Variants in GRID2 observed in about 807,000 individuals in gnomAD.
GRID2 encodes glutamate receptor ionotropic, delta-2.
Under a neutral mutation model 114.8 loss-of-function variants are expected in GRID2, and 33 were observed. That is an observed-to-expected ratio of 0.29 (90% CI 0.22 to 0.38). The LOEUF is 0.38. GRID2 is among the 10% of genes least tolerant of loss of function. The pLI is 1.00. For missense variants in GRID2, 1,184 were observed against 1,257.7 expected, an observed-to-expected ratio of 0.94 and a Z score of 0.89; for synonymous variants, 505 against 449.9, an observed-to-expected ratio of 1.12 and a Z score of -1.55.
At chr4:93,510,188 G>A (rs943141318) in intron 12 of GRID2, among the ~76,000 whole-genome samples, 21 of 152,090 alleles carry the variant, frequency 1.4e-4, no homozygotes, top group Admixed American at 1.3e-4. Flanking sequence ...GATAACTTAA[G>A]TTGACTTGTT....
At chr4:93,481,148 T>G (rs1725824561) in intron 11 of GRID2, among the ~76,000 whole-genome samples, 1 of 152,024 alleles carries the variant, frequency 6.6e-6, no homozygotes, top group African/African-American at 2.4e-5. Flanking sequence ...TTTGACTCAA[T>G]TATTTTGGGA....
chr4:92,641,394 C>G (rs1731340577), intron 2 of GRID2, among the ~76,000 whole-genome samples: 1 of 151,514 alleles, frequency 6.6e-6, no homozygotes, highest in African/African-American at 2.4e-5. Flanking sequence ...AAGCAATCCT[C>G]TGTGTCTCTG....
chr4:93,129,078 A>G (rs1300707859), intron 4 of GRID2, among the ~76,000 whole-genome samples: 5 of 152,186 alleles, frequency 3.3e-5, no homozygotes, highest in Non-Finnish European at 7.3e-5. Flanking sequence ...ATATTTTTAA[A>G]AAACTATCTA....
rs970674287 is a variant in GRID2 at position 92,940,154 on chromosome 4, A to G, written c.245-144841A>G. 1.4e-5 allele frequency among the ~76,000 whole-genome samples: 2 copies of G among 145,800 alleles called. 1 individual carries two copies. Among genetic ancestry groups the G allele is most frequent in the Non-Finnish European group, 3.0e-5 (2 of 65,774 alleles). On this transcript the variant is annotated intron_variant, in intron 2 of 15. Coordinates refer to ENST00000282020, the MANE Select transcript of GRID2 (RefSeq NM_001510.4). ...GGCATTGAAACTATAAATTACCTTG[A>G]GCAGTTTGGCCATTTTCACAATATT...
At chr4:92,385,981 GC>G (rs1159686688) in intron 1 of GRID2, among the ~76,000 whole-genome samples, 1 of 149,314 alleles carries the variant, frequency 6.7e-6, no homozygotes, top group Non-Finnish European at 1.5e-5. Flanking sequence ...AAAAAAATAT[GC>G]CCTTTGTGAA....
At chr4:93,690,317 G>C (rs188462796) in intron 14 of GRID2, among the ~76,000 whole-genome samples, 1 of 152,080 alleles carries the variant, frequency 6.6e-6, no homozygotes, top group Admixed American at 6.6e-5. Context: ...GGAGGAAGGG[G>C]CTTCTGAGAA....
chr4:92,850,204 T>C (rs112881970), intron 2 of GRID2, among the ~76,000 whole-genome samples: 8 of 151,312 alleles, frequency 5.3e-5, no homozygotes, highest in African/African-American at 1.9e-4. Flanking sequence ...AAATACAATA[T>C]ATAATTATAA....
At chr4:93,393,496 T>C (rs1221752818) in intron 8 of GRID2, among the ~76,000 whole-genome samples, 1 of 151,996 alleles carries the variant, frequency 6.6e-6, no homozygotes, top group African/African-American at 2.4e-5. Context: ...ATGAATAATA[T>C]TTAAGTCATT....
chr4:93,663,306 G>A (rs1723662355), intron 14 of GRID2, among the ~76,000 whole-genome samples: 1 of 152,082 alleles, frequency 6.6e-6, no homozygotes, highest in Non-Finnish European at 1.5e-5. Context: ...GAGGTATTTT[G>A]AGTGCTCATG....
chr4:93,809,421 AT>A (rs1474449989), exon 2 of GRID2: 25 of 152,338 alleles, frequency 1.6e-4, no homozygotes, highest in African/African-American at 5.8e-4. Flanking sequence ...TAGAATACAC[AT>A]GCTTATCCAA....
chr4:92,350,695 T>C (rs1374783958), intron 1 of GRID2, among the ~76,000 whole-genome samples: 1 of 151,838 alleles, frequency 6.6e-6, no homozygotes, highest in Non-Finnish European at 1.5e-5. Flanking sequence ...TTACATACCA[T>C]GTAATTCACC....
At chr4:93,325,398 C>G (rs765579467) in intron 8 of GRID2, among the ~76,000 whole-genome samples, 1 of 152,082 alleles carries the variant, frequency 6.6e-6, no homozygotes, top group African/African-American at 2.4e-5. Flanking sequence ...CTCATTCACT[C>G]TGCTCTAATT....
chr4:92,924,847 A>G (rs144013563), intron 2 of GRID2, among the ~76,000 whole-genome samples: 4 of 152,254 alleles, frequency 2.6e-5, no homozygotes, highest in East Asian at 1.9e-4. Context: ...CAGCTCAGCA[A>G]TAAGATCCTT....
intron 2 of GRID2, among the ~76,000 whole-genome samples, chr4:92,941,814 A>AT (rs1195492073): frequency 2.6e-5 from 4 of 151,990 alleles, no homozygotes; most frequent in African/African-American, 4.8e-5. Context: ...TTCTGCGTTC[A>AT]TTTTTTTGTG....
chr4:93,727,380 C>T lies in GRID2; in HGVS notation c.2361-41830C>T, dbSNP rs574089262. 8.7e-4 allele frequency among the ~76,000 whole-genome samples: 132 copies of T among 152,204 alleles called. No homozygotes were observed. In the South Asian group the frequency reaches 0.026, roughly 30 times the overall value. ...AAGCTTTTTGATGTGCTGCTGGATT[C>T]GGTTTGCCAGTATTTTATTGAGGAT... On this transcript the variant is annotated intron_variant, in intron 14 of 15. Transcript: ENST00000282020.
At chr4:93,275,644 CTGT>C (rs1017497552) in intron 8 of GRID2, among the ~76,000 whole-genome samples, 11 of 151,752 alleles carry the variant, frequency 7.2e-5, no homozygotes, top group African/African-American at 2.2e-4. Flanking sequence ...GCTGCTGCTG[CTGT>C]TGTTATTATT....
chr4:92,563,191 G>T (rs1365943334), intron 1 of GRID2, among the ~76,000 whole-genome samples: 1 of 152,062 alleles, frequency 6.6e-6, no homozygotes, highest in African/African-American at 2.4e-5. Flanking sequence ...ATGGTTTTAT[G>T]GTTGTTAGGA....
chr4:92,540,737 A>C (rs1392632758), intron 1 of GRID2, among the ~76,000 whole-genome samples: 2 of 152,198 alleles, frequency 1.3e-5, no homozygotes, highest in Admixed American at 6.5e-5. Flanking sequence ...CAGTGTGGCA[A>C]TTCCTCAGGG....
At chr4:92,578,026 T>C (rs1727979874) in intron 1 of GRID2, among the ~76,000 whole-genome samples, 1 of 146,354 alleles carries the variant, frequency 6.8e-6, no homozygotes, top group African/African-American at 2.5e-5. Context: ...CTTACTAAAA[T>C]TTTCTGAAAC....
Sources: gnomAD v4.1 joint callset for allele counts (sites outside exome capture counted in the v4.1 genomes callset) on GRCh38, gnomAD v4.1.1 for gene constraint, MANE v1.5 for transcripts, NCBI Gene and HGNC (gene_info 2026-07-23, HGNC 2026-07-21) for gene names.